The following CELF2 variants were observed in gnomAD, a reference collection of about 807,000 sequenced individuals.
CELF2 encodes the protein CUGBP Elav-like family member 2, also known as CUG triplet repeat RNA-binding protein 2.
A neutral mutation model predicts 62.6 loss-of-function variants in CELF2; 8 were observed. That is an observed-to-expected ratio of 0.13 (90% CI 0.07 to 0.23). The LOEUF (loss-of-function observed/expected upper bound fraction) is 0.23, where lower values mean the gene tolerates loss of function less well. CELF2 is among the 10% of genes least tolerant of loss of function. CELF2 has a pLI of 1.00. For synonymous variants in CELF2, 258 were observed against 250.0 expected, an observed-to-expected ratio of 1.03 and a Z score of -0.30; for missense variants, 333 against 671.0, an observed-to-expected ratio of 0.50 and a Z score of 5.56.
chr10:11,042,988 CAA>C (rs1275492557), intron 1 of CELF2, among the ~76,000 whole-genome samples: 1 of 152,182 alleles, frequency 6.6e-6, no homozygotes, highest in Non-Finnish European at 1.5e-5. Flanking sequence ...CATTCAAGTA[CAA>C]GTTTTTGTGT....
chr10:10,946,264 A>G (rs1251590583), intron 2 of CELF2: 4 of 152,320 alleles, frequency 2.6e-5, no homozygotes, highest in Admixed American at 2.6e-4. Flanking sequence ...GCACATCAAG[A>G]AGGAAACAAG....
chr10:11,159,190 T>C lies in CELF2; in HGVS notation c.75-6296T>C, dbSNP rs1270673879. On this transcript the variant is annotated intron_variant, in intron 1 of 12. Transcript: ENST00000633077. This position sits in a 1 kb window ranked among gnomAD's most constrained non-coding sequence, Gnocchi z 5.0. ...AAGGTTTAGTACACATGATAAATGG[T>C]AACAATACCTTCCACCTAAATAGGG... Among the ~76,000 whole-genome samples the C allele has an allele frequency of 6.6e-6, 1 of 152,250 alleles. No individual in the cohort carries two copies. Among genetic ancestry groups the C allele is most frequent in the Non-Finnish European group, 1.5e-5 (1 of 68,046 alleles).
the CELF2 span, among the ~76,000 whole-genome samples, chr10:10,556,933 G>T: frequency 0.01 from 1,449 of 139,654 alleles, 31 homozygotes; most frequent in East Asian, 0.088. Flanking sequence ...CTGGATATTA[G>T]CCCTTTGTCA....
chr10:10,992,483 C>G (rs2053541060), intron 2 of CELF2, among the ~76,000 whole-genome samples: 2 of 152,182 alleles, frequency 1.3e-5, no homozygotes. Context: ...TCCACTCACT[C>G]TATTGTACTA....
the CELF2 span, among the ~76,000 whole-genome samples, chr10:10,701,744 G>A: frequency 7.2e-5 from 11 of 152,198 alleles, no homozygotes; most frequent in South Asian, 1.0e-3. Flanking sequence ...GAGGCCGTGC[G>A]GGGTGCAGCT....
Position 10,931,044 on chromosome 10 carries a change from A to G in CELF2, c.89+11045A>G, listed in dbSNP as rs2066003692. ...TGTTTGGGATTGTCGAGCTACCAAG[A>G]ACACATAAATTAATAAAATTTATTC... On this transcript the variant is annotated intron_variant, in intron 2 of 13. Transcript: ENST00000636488. This position sits in a 1 kb window ranked among gnomAD's most constrained non-coding sequence, Gnocchi z 6.1. Among the ~76,000 whole-genome samples the G allele has an allele frequency of 6.6e-6, 1 of 152,238 alleles. No homozygotes were observed. Among genetic ancestry groups the G allele is most frequent in the African/African-American group, 2.4e-5 (1 of 41,460 alleles).
At chr10:10,471,383 C>A in the CELF2 span, among the ~76,000 whole-genome samples, 1 of 151,736 alleles carries the variant, frequency 6.6e-6, no homozygotes, top group Non-Finnish European at 1.5e-5. Flanking sequence ...CCCCTAAGTT[C>A]TCTCAGATTT....
the CELF2 span, among the ~76,000 whole-genome samples, chr10:10,645,687 G>A: frequency 1.3e-5 from 2 of 152,156 alleles, no homozygotes; most frequent in Non-Finnish European, 2.9e-5. Context: ...TTGATTAATG[G>A]TTAGATGATA....
chr10:10,552,574 C>T, the CELF2 span, among the ~76,000 whole-genome samples: 1 of 152,122 alleles, frequency 6.6e-6, no homozygotes, highest in Non-Finnish European at 1.5e-5. Flanking sequence ...TGAAATGAAA[C>T]CATTCATTCT....
chr10:11,119,898 A>G (rs527868235), intron 1 of CELF2, among the ~76,000 whole-genome samples: 1 of 104,344 alleles, frequency 9.6e-6, no homozygotes, highest in African/African-American at 3.9e-5. Context: ...TTGTTTATTG[A>G]CATATTATTT....
chr10:10,493,495 T>A, the CELF2 span, among the ~76,000 whole-genome samples: 1 of 147,826 alleles, frequency 6.8e-6, no homozygotes. Flanking sequence ...CCCAAATTCT[T>A]TTTTTGTTTG....
intron 1 of CELF2, among the ~76,000 whole-genome samples, chr10:11,091,285 C>T (rs892143651): frequency 2.0e-5 from 3 of 152,152 alleles, no homozygotes; most frequent in South Asian, 2.1e-4. Flanking sequence ...TAAGTGAAAT[C>T]GCTGGTCTTC....
chr10:11,125,106 C>T (rs533443886), intron 1 of CELF2, among the ~76,000 whole-genome samples: 5 of 152,288 alleles, frequency 3.3e-5, no homozygotes, highest in Non-Finnish European at 5.9e-5. Flanking sequence ...TCAGGTTCAA[C>T]AGGCTCTCTT....
intron 2 of CELF2, among the ~76,000 whole-genome samples, chr10:10,960,839 G>A (rs2135965820): frequency 6.6e-6 from 1 of 152,186 alleles, no homozygotes; most frequent in Admixed American, 6.5e-5. Context: ...TTTTTAACTG[G>A]GCATTAGCTT....
At chr10:11,251,940 T>C (rs991611739) in intron 4 of CELF2, among the ~76,000 whole-genome samples, 2 of 152,222 alleles carry the variant, frequency 1.3e-5, no homozygotes, top group Non-Finnish European at 2.9e-5. Context: ...CATAGCTCTG[T>C]ATGTACAAAT....
intron 1 of CELF2, among the ~76,000 whole-genome samples, chr10:11,019,957 G>A (rs1407819955): frequency 6.6e-6 from 1 of 152,208 alleles, no homozygotes; most frequent in African/African-American, 2.4e-5. Flanking sequence ...TGCTACTTAA[G>A]TGACCATAAT....
chr10:10,802,183 A>G (rs558977056), intron 1 of CELF2, among the ~76,000 whole-genome samples: 1 of 152,334 alleles, frequency 6.6e-6, no homozygotes, highest in East Asian at 1.9e-4. Flanking sequence ...GATTAAAAGA[A>G]TAAAATAGGC....
chr10:10,922,990 G>A (rs2065064304), intron 2 of CELF2: 1 of 152,164 alleles, frequency 6.6e-6, no homozygotes, highest in Non-Finnish European at 1.5e-5. Flanking sequence ...TCTTTTGCTA[G>A]TGTTTGTTTG....
At chr10:10,958,242 T>G (rs1426436978) in intron 2 of CELF2, among the ~76,000 whole-genome samples, 1 of 152,216 alleles carries the variant, frequency 6.6e-6, no homozygotes, top group Admixed American at 6.5e-5. Context: ...CCCAGAAATA[T>G]CACTTTTCCT....
Sources: allele counts gnomAD v4.1 joint callset (sites outside exome capture counted in the v4.1 genomes callset), GRCh38; gene constraint gnomAD v4.1.1; non-coding constraint Gnocchi (gnomAD v3.1); transcripts MANE v1.5; gene names NCBI Gene and HGNC (gene_info 2026-07-23, HGNC 2026-07-21).